KCNH7: variants seen among roughly 807,000 people sequenced by gnomAD.
KCNH7 encodes the protein voltage-gated inwardly rectifying potassium channel KCNH7.
KCNH7 carries 49 observed loss-of-function variants against 120.8 expected under a neutral mutation model. The ratio of observed to expected loss-of-function variants is 0.41; its 90% CI spans 0.32 to 0.51. The LOEUF is 0.51. KCNH7 is among the 20% of genes least tolerant of loss of function. KCNH7 has a pLI of 0.38. For missense variants in KCNH7, 1,097 were observed against 1,446.6 expected (o/e 0.76, Z 3.92); for synonymous variants, 547 against 516.1 (o/e 1.06, Z -0.81).
chr2:162,628,106 G>C (rs760053313), intron 2 of KCNH7, among the ~76,000 whole-genome samples: 10 of 152,054 alleles, frequency 6.6e-5, no homozygotes, highest in Non-Finnish European at 1.5e-4. Context: ...GTATTAAGAG[G>C]AAAATACATT....
intron 2 of KCNH7, among the ~76,000 whole-genome samples, chr2:162,757,714 C>T (rs756580670): frequency 6.6e-6 from 1 of 152,126 alleles, no homozygotes; most frequent in Non-Finnish European, 1.5e-5. Context: ...CCTGGGAGTA[C>T]ATCATATCAG....
At chr2:162,813,372 G>A (rs1684801689) in intron 2 of KCNH7, among the ~76,000 whole-genome samples, 2 of 152,128 alleles carry the variant, frequency 1.3e-5, no homozygotes, top group Non-Finnish European at 2.9e-5. Flanking sequence ...CTATATTTGT[G>A]TACACAATGG....
At chr2:162,392,302 GTA>G (rs1295349789) in intron 12 of KCNH7, among the ~76,000 whole-genome samples, 1 of 151,860 alleles carries the variant, frequency 6.6e-6, no homozygotes, top group Non-Finnish European at 1.5e-5. Flanking sequence ...GCATGTGTGT[GTA>G]TGTGTGTGTT....
At chr2:162,441,454 T>C (rs753760828) in intron 7 of KCNH7, among the ~76,000 whole-genome samples, 28 of 152,120 alleles carry the variant, frequency 1.8e-4, no homozygotes, top group Non-Finnish European at 4.1e-4. Flanking sequence ...CAGTAGTTAC[T>C]TAGGTTTCAA....
chr2:162,613,669 A>AAAAC (rs144653517), intron 2 of KCNH7, among the ~76,000 whole-genome samples: 6 of 151,876 alleles, frequency 4.0e-5, no homozygotes, highest in East Asian at 1.9e-4. Flanking sequence ...GTATTGGGGC[A>AAAAC]AAACAAACAA....
intron 2 of KCNH7, among the ~76,000 whole-genome samples, chr2:162,748,257 T>C (rs1057351678): frequency 6.6e-6 from 1 of 152,192 alleles, no homozygotes; most frequent in African/African-American, 2.4e-5. Context: ...CTTCTGTGTA[T>C]GTGTCTTAAG....
intron 2 of KCNH7, among the ~76,000 whole-genome samples, chr2:162,749,266 T>C (rs545318119): frequency 6.6e-6 from 1 of 151,476 alleles, no homozygotes; most frequent in Non-Finnish European, 1.5e-5. Context: ...TTCGATCACC[T>C]TTTTTTTAAA....
chr2:162,502,292 A>G (rs1196002395), intron 6 of KCNH7: 3 of 152,058 alleles, frequency 2.0e-5, no homozygotes, highest in Non-Finnish European at 2.9e-5. Flanking sequence ...GGATAAAGAG[A>G]TCCTGCAGAG....
chr2:162,653,053 T>C (rs2105262868), intron 2 of KCNH7, among the ~76,000 whole-genome samples: 1 of 152,232 alleles, frequency 6.6e-6, no homozygotes, highest in Admixed American at 6.5e-5. Context: ...CCATTTCACT[T>C]GGGGGAAACT....
chr2:162,464,597 C>T (rs932812417), intron 6 of KCNH7, among the ~76,000 whole-genome samples: 2 of 151,966 alleles, frequency 1.3e-5, no homozygotes, highest in Non-Finnish European at 2.9e-5. Flanking sequence ...CAGCATTTGA[C>T]ATCTTACTGT....
intron 2 of KCNH7, among the ~76,000 whole-genome samples, chr2:162,718,993 C>T (rs1687231565): frequency 6.6e-6 from 1 of 152,096 alleles, no homozygotes; most frequent in African/African-American, 2.4e-5. Flanking sequence ...TCCCACCTCT[C>T]TTCCAATCCA....
chr2:162,582,148 A>AT (rs1426912899), intron 2 of KCNH7, among the ~76,000 whole-genome samples: 2 of 152,060 alleles, frequency 1.3e-5, no homozygotes, highest in East Asian at 3.9e-4. Flanking sequence ...AAAGGTCAAG[A>AT]TTACCCCTGC....
chr2:162,655,810 A>G (rs1218870194), intron 2 of KCNH7, among the ~76,000 whole-genome samples: 1 of 152,032 alleles, frequency 6.6e-6, no homozygotes, highest in African/African-American at 2.4e-5. Context: ...AAAAACAAAA[A>G]ACGAATTATT....
intron 6 of KCNH7, among the ~76,000 whole-genome samples, chr2:162,478,518 T>C (rs1453677355): frequency 2.0e-5 from 3 of 152,216 alleles, no homozygotes; most frequent in Non-Finnish European, 4.4e-5. Context: ...TTCTGGAAAG[T>C]ATTTTGTTTG....
chr2:162,632,961 A>C (rs1246550348), intron 2 of KCNH7, among the ~76,000 whole-genome samples: 4 of 151,814 alleles, frequency 2.6e-5, no homozygotes, highest in Non-Finnish European at 5.9e-5. Flanking sequence ...GGGAGGAAAA[A>C]ATTTGGTAGA....
At chr2:162,471,514 GT>G (rs1207052631) in intron 6 of KCNH7, among the ~76,000 whole-genome samples, 1 of 152,058 alleles carries the variant, frequency 6.6e-6, no homozygotes, top group Non-Finnish European at 1.5e-5. Flanking sequence ...ATTCTGTGGA[GT>G]TTTACGACCT....
intron 2 of KCNH7, among the ~76,000 whole-genome samples, chr2:162,616,859 A>C (rs990913323): frequency 6.6e-6 from 1 of 152,162 alleles, no homozygotes; most frequent in South Asian, 2.1e-4. Flanking sequence ...CCAAAATGCC[A>C]CTTACTTTCT....
At chr2:162,639,079 G>A (rs185897878) in intron 2 of KCNH7, among the ~76,000 whole-genome samples, 3 of 152,032 alleles carry the variant, frequency 2.0e-5, no homozygotes, top group Non-Finnish European at 4.4e-5. Context: ...CACCAGCCGT[G>A]GCAACCAAAA....
intron 2 of KCNH7, among the ~76,000 whole-genome samples, chr2:162,686,922 G>A (rs535024226): frequency 3.4e-4 from 50 of 148,610 alleles, no homozygotes; most frequent in Non-Finnish European, 6.4e-4. Context: ...TAAAGCCCAT[G>A]TTCAGTATGG....
Sources: gnomAD v4.1 joint callset for allele counts (sites outside exome capture counted in the v4.1 genomes callset) on GRCh38, gnomAD v4.1.1 for gene constraint, MANE v1.5 for transcripts, NCBI Gene and HGNC (gene_info 2026-07-23, HGNC 2026-07-21) for gene names.